Variants in PDS5B observed in about 807,000 individuals in gnomAD.
The protein encoded by PDS5B is PDS5 cohesin associated factor B.
PDS5B carries 51 observed loss-of-function variants against 184.1 expected under a neutral mutation model. The observed-to-expected ratio is 0.28, with a 90% confidence interval of 0.22 to 0.35. The LOEUF (loss-of-function observed/expected upper bound fraction) is 0.35. Among genes scored for constraint, PDS5B ranks in the 10% least tolerant of loss-of-function variants. PDS5B has a pLI of 1.00. For synonymous variants in PDS5B, 566 were observed against 569.2 expected (o/e 0.99, Z 0.08); for missense variants, 1,180 against 1,723.3 (o/e 0.68, Z 5.58).
Position 32,760,664 on chromosome 13 carries a change from T to A in PDS5B, c.3462T>A (p.Thr1154=). 6.2e-7 allele frequency: 1 copy of A among 1,614,000 alleles called. No individual in the cohort carries two copies. Among genetic ancestry groups the A allele is most frequent in the South Asian group, 1.1e-5 (1 of 91,066 alleles). ...AGACCAAATCATCACGAATGGAAAC[T>A]GTAAGCAATGCAAGCAGCAGCTCAA... ...QSQTKSSRME[T]VSNASSSSNP... The change falls in exon 30 of 35, where the codon ACT becomes ACA. Residue 1154 remains threonine, a synonymous_variant. Transcript: ENST00000315596.
chr13:32,697,968 G>A (rs1339252754), intron 15 of PDS5B, among the ~76,000 whole-genome samples: 4 of 152,132 alleles, frequency 2.6e-5, no homozygotes, highest in African/African-American at 9.7e-5. Context: ...GATTACAGGT[G>A]TGAGCCACGG....
chr13:32,762,781 T>G (rs1954453606), intron 30 of PDS5B, among the ~76,000 whole-genome samples: 1 of 152,172 alleles, frequency 6.6e-6, no homozygotes, highest in Non-Finnish European at 1.5e-5. Context: ...TTTCTTTAAT[T>G]ATTGTCGTAT....
intron 10 of PDS5B, among the ~76,000 whole-genome samples, chr13:32,680,191 A>G (rs1951199799): frequency 2.0e-5 from 3 of 152,094 alleles, no homozygotes; most frequent in African/African-American, 4.8e-5. Flanking sequence ...TGGGGGGGCT[A>G]AATCAAAAGC....
At chr13:32,645,972 A>ATGTGTGTG (rs1287065690) in intron 1 of PDS5B, among the ~76,000 whole-genome samples, 70 of 148,296 alleles carry the variant, frequency 4.7e-4, no homozygotes, top group Non-Finnish European at 8.8e-4. Context: ...TTTCACTTTG[A>ATGTGTGTG]TGTGTGTGTG....
Position 32,735,161 on chromosome 13 carries a change from C to T in PDS5B, c.2248-11C>T. On this transcript the variant is annotated splice_polypyrimidine_tract_variant and intron_variant, in intron 20 of 34. Transcript: ENST00000315596. ...TAGAGTTGAAATATATTTTCCTCCC[C>T]TCATTTTCAGCCTCTGCATAAGAGC... 2 of 1,520,022 alleles carry T rather than the reference C, an allele frequency of 1.3e-6. No individual in the cohort carries two copies. Among genetic ancestry groups the T allele is most frequent in the Non-Finnish European group, 1.8e-6 (2 of 1,132,284 alleles). The allele number at this position is 1,520,022 out of a possible 1,614,324, so 94.2% of individuals were successfully genotyped here. A position where few individuals can be genotyped will look rare whatever the true frequency, so the allele number is the denominator to read the frequency against.
intron 1 of PDS5B, among the ~76,000 whole-genome samples, chr13:32,605,712 T>A (rs1056052903): frequency 1.3e-5 from 2 of 152,164 alleles, no homozygotes; most frequent in Admixed American, 1.3e-4. Context: ...CTAAGTCTCT[T>A]TGTAGGTGTC....
At chr13:32,673,969 C>A (rs1029311372) in intron 8 of PDS5B, among the ~76,000 whole-genome samples, 1 of 151,982 alleles carries the variant, frequency 6.6e-6, no homozygotes, top group Admixed American at 6.6e-5. Flanking sequence ...GCTGTGCCAC[C>A]ACCCCTGCTA....
chr13:32,646,687 T>G (rs758687138), intron 1 of PDS5B, among the ~76,000 whole-genome samples: 25 of 152,146 alleles, frequency 1.6e-4, no homozygotes, highest in Non-Finnish European at 2.6e-4. Context: ...TTTAAGGTGT[T>G]TATGTTGAAA....
At position 32,688,540 on chromosome 13, in the gene PDS5B, G is replaced by T; in HGVS notation, c.1440G>T (p.Leu480Phe). The change falls in exon 13 of 35, where the codon TTG becomes TTT. Residue 480 changes from leucine (L) to phenylalanine (F), a missense_variant. By Grantham distance (22) the Leu-to-Phe change is conservative. Coordinates refer to ENST00000315596, the MANE Select transcript of PDS5B (RefSeq NM_015032.4). ...TTERMKCLYYLYATLDLNAVK... is the reference protein window; with the variant it reads ...TTERMKCLYYFYATLDLNAVK... ...AACGGATGAAATGCTTATATTACTT[G>T]TATGCCACACTGGATTTAAATGCTG... is the stretch of plus-strand genomic sequence containing the variant. The T allele has an allele frequency of 1.3e-6, 2 of 1,594,968 alleles. No homozygotes were observed. Among genetic ancestry groups the T allele is most frequent in the South Asian group, 2.2e-5 (2 of 90,684 alleles).
Position 32,586,464 on chromosome 13 carries a change from C to G in PDS5B, c.-149C>G. ...AAGAGCGCTTGGCGCCATTTTGAAG[C>G]GGAGAGGAGGAGGAACGGCAGGGCT... On this transcript the variant is annotated 5_prime_UTR_variant, in exon 1 of 35. Coordinates refer to ENST00000315596, the MANE Select transcript of PDS5B (RefSeq NM_015032.4). The G allele has an allele frequency of 6.8e-6, 1 of 147,156 alleles. No homozygotes were observed. The highest frequency in any genetic ancestry group is 1.5e-5 in the Non-Finnish European group (1 of 67,016). 9.1% of individuals were successfully genotyped at this position (147,156 alleles called of 1,614,324 possible).
chr13:32,669,207 A>C (rs1016488220), intron 7 of PDS5B, among the ~76,000 whole-genome samples: 1 of 151,800 alleles, frequency 6.6e-6, no homozygotes, highest in Non-Finnish European at 1.5e-5. Flanking sequence ...GACTATTTCC[A>C]TGGGCCATTA....
chr13:32,748,703 A>G (rs1277126332), intron 24 of PDS5B, among the ~76,000 whole-genome samples: 1 of 151,986 alleles, frequency 6.6e-6, no homozygotes, highest in African/African-American at 2.4e-5. Flanking sequence ...CTTTCTTGAC[A>G]TGTAGAGCCT....
chr13:32,764,390 C>T (rs902573803), intron 30 of PDS5B, 99 bp from the exon 31 acceptor site: 61 of 601,048 alleles, frequency 1.0e-4, no homozygotes, highest in Non-Finnish European at 1.3e-4. Context: ...TTGAAAAGAA[C>T]GAAATTTTTT....
intron 7 of PDS5B, among the ~76,000 whole-genome samples, chr13:32,668,410 C>T (rs1368601912): frequency 6.6e-6 from 1 of 152,144 alleles, no homozygotes; most frequent in African/African-American, 2.4e-5. Flanking sequence ...CCCAAATCTA[C>T]TTACTTATGG....
At chr13:32,757,589 A>G (rs1378782616) in intron 26 of PDS5B, among the ~76,000 whole-genome samples, 1 of 152,200 alleles carries the variant, frequency 6.6e-6, no homozygotes, top group African/African-American at 2.4e-5. Flanking sequence ...CTTTTTAAGC[A>G]AAGACAATGC....
At chr13:32,588,082 A>C (rs937168356) in intron 1 of PDS5B, among the ~76,000 whole-genome samples, 2 of 152,204 alleles carry the variant, frequency 1.3e-5, no homozygotes, top group Non-Finnish European at 2.9e-5. Context: ...CAGGTAAAGT[A>C]ATTAAAAGCC....
At chr13:32,764,773 G>T (rs142572266) in intron 31 of PDS5B, among the ~76,000 whole-genome samples, 179 bp downstream of exon 31, 4 of 152,180 alleles carry the variant, frequency 2.6e-5, no homozygotes, top group Non-Finnish European at 5.9e-5. Context: ...TATAGAATCT[G>T]TGCTTCTTAT....
At chr13:32,728,573 A>C (rs747499677) in intron 19 of PDS5B, among the ~76,000 whole-genome samples, 12 of 152,134 alleles carry the variant, frequency 7.9e-5, no homozygotes, top group Non-Finnish European at 1.6e-4. Flanking sequence ...GTGCTCTAGA[A>C]ATCAGAGCTT....
In PDS5B at chr13:32,775,491, TG is replaced by T. The variant is rs1398644173; in HGVS notation, c.*440del. 2.8e-6 allele frequency: 1 copy of T among 351,846 alleles called. No homozygotes were observed. The highest frequency in any genetic ancestry group is 5.6e-6 in the Non-Finnish European group (1 of 179,148). 21.8% of individuals were successfully genotyped at this position (351,846 alleles called of 1,614,324 possible). A position where few individuals can be genotyped will look rare whatever the true frequency, so the allele number is the denominator to read the frequency against. ...ATTTGTATTCTCTGCAATTTTACTG[TG>T]AAAAAAAATTTGTTTTCAACAATTG... is the stretch of plus-strand genomic sequence containing the variant. On this transcript the variant is annotated 3_prime_UTR_variant, in exon 35 of 35. Coordinates refer to ENST00000315596, the MANE Select transcript of PDS5B (RefSeq NM_015032.4).
Sources: gnomAD v4.1 joint callset for allele counts (sites outside exome capture counted in the v4.1 genomes callset) on GRCh38, gnomAD v4.1.1 for gene constraint, MANE v1.5 for transcripts, NCBI Gene and HGNC (gene_info 2026-07-23, HGNC 2026-07-21) for gene names.